SHROOM2: variants seen among roughly 807,000 people sequenced by gnomAD.
SHROOM2 encodes the protein shroom family member 2.
SHROOM2 carries 33 observed loss-of-function variants against 75.9 expected under a neutral mutation model. The observed-to-expected ratio is 0.43, with a 90% CI of 0.33 to 0.58. The LOEUF (loss-of-function observed/expected upper bound fraction) is 0.58. SHROOM2 is among the 20% of genes least tolerant of loss of function. The probability of loss-of-function intolerance (pLI) is 0.04; values close to 1 mark genes in which losing one functional copy is unlikely to be tolerated. For missense variants in SHROOM2, 1,434 were observed against 1,461.2 expected, an observed-to-expected ratio of 0.98 and a Z score of 0.30; for synonymous variants, 655 against 663.6, an observed-to-expected ratio of 0.99 and a Z score of 0.20.
chrX:9,864,896 C>G (rs1379244385), intron 1 of SHROOM2, among the ~76,000 whole-genome samples: 1 of 110,514 alleles, frequency 9.0e-6, no homozygotes, highest in Non-Finnish European at 1.9e-5. Flanking sequence ...GCCTGTAGTC[C>G]CACCTTCTTG....
intron 2 of SHROOM2, 140 bp from the exon 3 acceptor site, chrX:9,890,837 G>A (rs1239616886): frequency 1.8e-5 from 10 of 562,513 alleles, no homozygotes; most frequent in East Asian, 3.9e-5. Context: ...CGTGCGCTGT[G>A]TGCGGTCCTC....
chrX:9,802,851 C>G (rs1237750463), intron 1 of SHROOM2, among the ~76,000 whole-genome samples: 1 of 109,722 alleles, frequency 9.1e-6, no homozygotes, highest in Non-Finnish European at 1.9e-5. Context: ...AGTGATCTGT[C>G]TGGATCATGC....
At chrX:9,827,421 G>A (rs2083893708) in intron 1 of SHROOM2, among the ~76,000 whole-genome samples, 1 of 107,509 alleles carries the variant, frequency 9.3e-6, no homozygotes, top group Non-Finnish European at 1.9e-5. Context: ...TAACAGACAG[G>A]CACCAAGCAT....
At position 9,857,343 on chromosome X, in the gene SHROOM2, G is replaced by A. The variant is rs192101837; in HGVS notation, c.166-16309G>A. Among the ~76,000 whole-genome samples the A allele has an allele frequency of 1.4e-4, 15 of 111,084 alleles. No individual in the cohort carries two copies. In the East Asian group the frequency reaches 3.4e-3, roughly 25 times the overall value. On this transcript the variant is annotated intron_variant, in intron 1 of 9. Transcript: ENST00000380913. ...TTGACCCTTGGACATGATTTTAGGG[G>A]GAGTGGGGATGGCCTCACCTAGTTT...
chrX:9,878,854 G>A lies in SHROOM2; in HGVS notation c.317+5051G>A, dbSNP rs768578830. The stretch of plus-strand genomic sequence containing the variant: ...GACGTCAGGTGAAACCCATGCCTTC[G>A]AGGCTGTCTGATGTCTTTGTCTGTG... On this transcript the variant is annotated intron_variant, in intron 2 of 9. Transcript: ENST00000380913. Among the ~76,000 whole-genome samples, 5 of 110,472 alleles carry A rather than the reference G, an allele frequency of 4.5e-5. No individual in the cohort carries two copies. In the South Asian group the frequency reaches 2.0e-3, roughly 43 times the overall value.
intron 1 of SHROOM2, among the ~76,000 whole-genome samples, chrX:9,790,789 C>T (rs1236679330): frequency 1.8e-5 from 2 of 111,596 alleles, no homozygotes; most frequent in Non-Finnish European, 3.8e-5. Context: ...TGCCAACTGG[C>T]TTTCAAGTCT....
At chrX:9,938,109 G>A (rs772900373) in intron 7 of SHROOM2, among the ~76,000 whole-genome samples, 3 of 102,317 alleles carry the variant, frequency 2.9e-5, no homozygotes, top group Admixed American at 2.1e-4. Context: ...GTGCACAGGA[G>A]GGCCCCCCCC....
In SHROOM2 at chrX:9,921,233, A is replaced by G. The variant is rs568746122; in HGVS notation, c.2892-10942A>G. ...GGGAGAGAGGAAGGAGGAAGTTGCA[A>G]TGCCTGTGTGATCTGGTCTCAGAAG... On this transcript the variant is annotated intron_variant, in intron 5 of 9. Coordinates refer to ENST00000380913, the MANE Select transcript of SHROOM2 (RefSeq NM_001649.4). 3.3e-4 allele frequency among the ~76,000 whole-genome samples: 37 copies of G among 112,008 alleles called. No individual in the cohort carries two copies. The South Asian group carries it at 0.013, about 38-fold the overall frequency.
In SHROOM2 at chrX:9,948,782, TTCC is replaced by T. The variant is rs1424954215; in HGVS notation, c.*1854_*1856del. On this transcript the variant is annotated 3_prime_UTR_variant, in exon 10 of 10. Transcript: ENST00000380913. ...AAAATCCCTGTTCTGCCAGCGAAGC[TTCC>T]TCCTCCTCTCCAGCTGGTAGTCACT... The T allele has an allele frequency of 8.8e-6, 1 of 113,038 alleles. No individual in the cohort carries two copies. Among genetic ancestry groups the T allele is most frequent in the Non-Finnish European group, 1.9e-5 (1 of 53,505 alleles). 9.3% of individuals were successfully genotyped at this position (113,038 alleles called of 1,213,427 possible). A position where few individuals can be genotyped will look rare whatever the true frequency, so the allele number is the denominator to read the frequency against.
At chrX:9,916,520 C>T (rs964987007) in intron 5 of SHROOM2, among the ~76,000 whole-genome samples, 1 of 112,125 alleles carries the variant, frequency 8.9e-6, no homozygotes, top group African/African-American at 3.2e-5. Flanking sequence ...AATATCACCA[C>T]GTTGCCCTCC....
chrX:9,919,423 C>T (rs1403098177), intron 5 of SHROOM2, among the ~76,000 whole-genome samples: 1 of 99,438 alleles, frequency 1.0e-5, no homozygotes, highest in East Asian at 3.2e-4. Flanking sequence ...CCTCTGCCTC[C>T]TGGGTTCAAG....
intron 1 of SHROOM2, among the ~76,000 whole-genome samples, chrX:9,826,095 T>G (rs1330604667): frequency 8.9e-6 from 1 of 112,625 alleles, no homozygotes; most frequent in Non-Finnish European, 1.9e-5. Flanking sequence ...CGGTAGCAAC[T>G]CCATGGCTTG....
chrX:9,935,712 T>G (rs2084697034), intron 6 of SHROOM2, among the ~76,000 whole-genome samples: 1 of 111,253 alleles, frequency 9.0e-6, no homozygotes, highest in African/African-American at 3.3e-5. Flanking sequence ...CAGTCACCAG[T>G]GAAAGAGGGA....
intron 1 of SHROOM2, among the ~76,000 whole-genome samples, chrX:9,791,721 G>C (rs965303680): frequency 2.3e-4 from 26 of 111,110 alleles, no homozygotes; most frequent in Non-Finnish European, 4.5e-4. Context: ...TGCCAGGCAC[G>C]GTGGCTCACG....
chrX:9,907,365 A>T (rs1033564981), intron 5 of SHROOM2, among the ~76,000 whole-genome samples: 1 of 110,058 alleles, frequency 9.1e-6, no homozygotes, highest in East Asian at 2.9e-4. Context: ...GCCGCTCTCC[A>T]CTCTGTGTTT....
chrX:9,792,027 AATAG>A (rs2083655122), intron 1 of SHROOM2, among the ~76,000 whole-genome samples: 1 of 124 alleles, frequency 8.1e-3, no homozygotes, highest in African/African-American at 0.018. Flanking sequence ...AATAGAATAG[AATAG>A]AATAGAATAG....
chrX:9,860,801 C>T (rs948170446), intron 1 of SHROOM2, among the ~76,000 whole-genome samples: 1 of 111,592 alleles, frequency 9.0e-6, no homozygotes, highest in African/African-American at 3.3e-5. Flanking sequence ...CATTGACAGA[C>T]GAGTGGATAA....
rs1306493351 is a variant in SHROOM2, at chrX:9,894,176, C to T, written c.450-182C>T. Reference sequence around the variant, plus strand: ...CTTTTCAGCCTGTGCCCAGTTTCTCCGTGTCTCTACTAAAATCCAGATGTG... The same window carrying T: ...CTTTTCAGCCTGTGCCCAGTTTCTCTGTGTCTCTACTAAAATCCAGATGTG... On this transcript the variant is annotated intron_variant, in intron 3 of 9. Coordinates refer to ENST00000380913, the MANE Select transcript of SHROOM2 (RefSeq NM_001649.4). Among the ~76,000 whole-genome samples the T allele has an allele frequency of 2.7e-5, 3 of 111,273 alleles. No individual in the cohort carries two copies. In the Admixed American group the frequency reaches 2.9e-4, roughly 11 times the overall value.
chrX:9,829,548 G>A (rs184295151), intron 1 of SHROOM2, among the ~76,000 whole-genome samples: 2 of 112,025 alleles, frequency 1.8e-5, no homozygotes, highest in Non-Finnish European at 3.8e-5. Context: ...TACACACTCC[G>A]ATTCCTTTTC....
Sources: allele counts gnomAD v4.1 joint callset (sites outside exome capture counted in the v4.1 genomes callset), GRCh38; gene constraint gnomAD v4.1.1; transcripts MANE v1.5; gene names NCBI Gene and HGNC (gene_info 2026-07-23, HGNC 2026-07-21).